The following NXN variants were observed in gnomAD, a reference collection of about 807,000 sequenced individuals.
NXN encodes nucleoredoxin 1.
Under a neutral mutation model 48.6 loss-of-function variants are expected in NXN, and 16 were observed. The observed-to-expected ratio is 0.33, with a 90% CI of 0.22 to 0.50. The LOEUF is 0.50. NXN is among the 20% of genes least tolerant of loss of function. NXN has a pLI of 0.98. For synonymous variants in NXN, 281 were observed against 269.6 expected (o/e 1.04, Z -0.41); for missense variants, 492 against 605.5 (o/e 0.81, Z 1.97).
At chr17:841,006 A>G (rs1443228039) in intron 1 of NXN, among the ~76,000 whole-genome samples, 6 of 152,178 alleles carry the variant, frequency 3.9e-5, no homozygotes, top group Admixed American at 1.3e-4. Flanking sequence ...GAGTGCCGGC[A>G]CAGGAGCAGA....
intron 1 of NXN, among the ~76,000 whole-genome samples, chr17:942,745 G>C (rs1425778473): frequency 1.3e-4 from 15 of 111,362 alleles, no homozygotes; most frequent in African/African-American, 5.3e-4. Context: ...AGATTCCAGG[G>C]TGCAGCCATG....
chr17:895,678 C>T lies in NXN; in HGVS notation c.361-69600G>A, dbSNP rs555870710. ...ATACAAAAAAAAAAAATTAGCCAGG[C>T]GTGGTGGTGGGCACCTGTAGTCCCA... On this transcript the variant is annotated intron_variant, in intron 1 of 7. Transcript: ENST00000336868. Among the ~76,000 whole-genome samples, 53 of 150,330 alleles carry T rather than the reference C, an allele frequency of 3.5e-4. 2 individuals are homozygous for T. The South Asian group carries it at 9.4e-3, about 27-fold the overall frequency.
chr17:974,541 G>A (rs564584940), intron 1 of NXN, among the ~76,000 whole-genome samples: 7 of 151,874 alleles, frequency 4.6e-5, no homozygotes, highest in South Asian at 2.1e-4. Context: ...ATATTATCTC[G>A]CGTAGCCTTT....
At chr17:969,786 A>T (rs2069351593) in intron 1 of NXN, among the ~76,000 whole-genome samples, 1 of 152,178 alleles carries the variant, frequency 6.6e-6, no homozygotes, top group Admixed American at 6.5e-5. Context: ...ATTAAAAAAA[A>T]ATGTGGAACT....
chr17:834,785 T>A (rs1411141554), intron 1 of NXN, among the ~76,000 whole-genome samples: 1 of 151,852 alleles, frequency 6.6e-6, no homozygotes, highest in African/African-American at 2.4e-5. Context: ...CCTCCCAAAG[T>A]GCTGGGATTA....
At chr17:863,890 G>A in intron 1 of NXN, 2 of 1,308,022 alleles carry the variant, frequency 1.5e-6, no homozygotes, top group Non-Finnish European at 2.1e-6. Flanking sequence ...TGCTTACACA[G>A]AGCTCTGTAG....
At chr17:863,341 G>A (rs1473611079) in intron 1 of NXN, among the ~76,000 whole-genome samples, 1 of 151,796 alleles carries the variant, frequency 6.6e-6, no homozygotes, top group Non-Finnish European at 1.5e-5. Context: ...CTAATTTTTT[G>A]TATTTTTAGT....
Position 825,889 on chromosome 17 carries a change from A to G in NXN, c.478+72T>C. 2.1e-6 allele frequency: 2 copies of G among 935,212 alleles called. No homozygotes were observed. The highest frequency in any genetic ancestry group is 3.4e-6 in the Non-Finnish European group (2 of 594,782). 57.9% of individuals were successfully genotyped at this position (935,212 alleles called of 1,614,324 possible). A position where few individuals can be genotyped will look rare whatever the true frequency, so the allele number is the denominator to read the frequency against. Reference sequence around the variant, plus strand: ...AGTACTCTCTCCACCGGTGGGACGGAGATTAGCCTAAGGGCATGGAGGAGG... The same window carrying G: ...AGTACTCTCTCCACCGGTGGGACGGGGATTAGCCTAAGGGCATGGAGGAGG... On this transcript the variant is annotated intron_variant, in intron 2 of 7. Coordinates refer to ENST00000336868, the MANE Select transcript of NXN (RefSeq NM_022463.5). This position sits in a 1 kb window ranked among gnomAD's most constrained non-coding sequence, Gnocchi z 4.1.
At chr17:852,714 C>A (rs554874592) in intron 1 of NXN, among the ~76,000 whole-genome samples, 2 of 152,178 alleles carry the variant, frequency 1.3e-5, no homozygotes, top group Admixed American at 6.6e-5. Context: ...GCCAGGTCCC[C>A]CTGCACGGTT....
intron 1 of NXN, among the ~76,000 whole-genome samples, chr17:868,197 C>T (rs1356702160): frequency 6.6e-6 from 1 of 152,198 alleles, no homozygotes; most frequent in Non-Finnish European, 1.5e-5. Flanking sequence ...CTCTGTCCTT[C>T]ACACATGGGA....
chr17:960,974 C>T (rs1430473212), intron 1 of NXN, among the ~76,000 whole-genome samples: 5 of 151,762 alleles, frequency 3.3e-5, no homozygotes, highest in Admixed American at 1.3e-4. Flanking sequence ...TTAGTAGAGA[C>T]GGGGTTTCAC....
intron 1 of NXN, among the ~76,000 whole-genome samples, chr17:937,024 G>C (rs1433423489): frequency 6.6e-6 from 1 of 151,772 alleles, no homozygotes; most frequent in Non-Finnish European, 1.5e-5. Flanking sequence ...CCGCATTCCA[G>C]CCTGAGTGAC....
intron 1 of NXN, among the ~76,000 whole-genome samples, chr17:889,393 G>C (rs1174499402): frequency 2.6e-5 from 4 of 152,204 alleles, no homozygotes; most frequent in African/African-American, 9.6e-5. Flanking sequence ...AGGTAGAAAT[G>C]AATGAGAAAT....
chr17:816,355 T>TAAGG lies in NXN; in HGVS notation c.820+3080_820+3083dup, dbSNP rs4024556. Among the ~76,000 whole-genome samples, 56 of 151,648 alleles carry TAAGG rather than the reference T, an allele frequency of 3.7e-4. No homozygotes were observed. The East Asian group carries it at 8.4e-3, about 23-fold the overall frequency. On this transcript the variant is annotated intron_variant, in intron 5 of 7. Transcript: ENST00000336868. Reference sequence around the variant, plus strand: ...CCTTCACTGTCCCTGTCATGGTCTCTAAGGAGAGTGCCCTGTGAGGACCAG... The same window carrying TAAGG: ...CCTTCACTGTCCCTGTCATGGTCTCTAAGGAAGGAGAGTGCCCTGTGAGGACCAG...
intron 1 of NXN, among the ~76,000 whole-genome samples, chr17:832,700 T>C (rs1913552794): frequency 6.6e-6 from 1 of 152,130 alleles, no homozygotes; most frequent in South Asian, 2.1e-4. Context: ...GAATCCTCTC[T>C]GGATGGGTAA....
At chr17:823,972 T>A (rs1366717688) in intron 2 of NXN, among the ~76,000 whole-genome samples, 1 of 151,680 alleles carries the variant, frequency 6.6e-6, no homozygotes, top group East Asian at 1.9e-4. Context: ...ACTAGAGCCA[T>A]TCCCTGCCCT....
intron 1 of NXN, among the ~76,000 whole-genome samples, chr17:955,880 C>A (rs1234569209): frequency 1.4e-5 from 2 of 147,462 alleles, no homozygotes; most frequent in South Asian, 2.2e-4. Flanking sequence ...CCAGCCTGGG[C>A]GACAGAGCGA....
At chr17:960,271 T>C (rs1021751915) in intron 1 of NXN, among the ~76,000 whole-genome samples, 1 of 152,348 alleles carries the variant, frequency 6.6e-6, no homozygotes, top group South Asian at 2.1e-4. Flanking sequence ...ATGTATAATT[T>C]GGGATCTCGC....
chr17:823,119 C>T (rs1020569752), intron 3 of NXN, among the ~76,000 whole-genome samples: 89 of 148,032 alleles, frequency 6.0e-4, no homozygotes, highest in Non-Finnish European at 1.2e-3. Flanking sequence ...AAAAAGGGGG[C>T]CAGGCACGAT....
Sources: gnomAD v4.1 joint callset for allele counts (sites outside exome capture counted in the v4.1 genomes callset) on GRCh38, gnomAD v4.1.1 for gene constraint, Gnocchi (gnomAD v3.1) non-coding constraint, MANE v1.5 for transcripts, NCBI Gene and HGNC (gene_info 2026-07-23, HGNC 2026-07-21) for gene names.